TMEM169: variants seen among roughly 807,000 people sequenced by gnomAD.
TMEM169 encodes the protein transmembrane protein 169.
TMEM169 carries 18 observed loss-of-function variants against 27.3 expected under a neutral mutation model. That is an observed-to-expected ratio of 0.66 (90% CI 0.46 to 0.98). The LOEUF (loss-of-function observed/expected upper bound fraction) is 0.98, where lower values mean the gene tolerates loss of function less well. Ranked by LOEUF, TMEM169 falls within the 50% of genes least tolerant of loss-of-function variation. The pLI, the probability that TMEM169 is intolerant of heterozygous loss-of-function variation, is 0.00. For synonymous variants in TMEM169, 136 were observed against 142.1 expected (o/e 0.96, Z 0.30); for missense variants, 320 against 368.6 (o/e 0.87, Z 1.08).
At position 216,100,068 on chromosome 2, in the gene TMEM169, G is replaced by GT. The variant is rs1696353408; in HGVS notation, c.420_421insT (p.Glu141Ter). 6.2e-7 allele frequency: 1 copy of GT among 1,614,118 alleles called. No homozygotes were observed. Among genetic ancestry groups the GT allele is most frequent in the African/African-American group, 1.3e-5 (1 of 75,020 alleles). On this transcript the variant is annotated frameshift_variant, in exon 3 of 3. Transcript: ENST00000437356. LOFTEE classifies it high-confidence loss of function. ...TGACCAAACCTAAAGAGTCATCAAG[G>GT]GAAACGACGCCTGAAGGAAGAATGG...
intron 1 of TMEM169, among the ~76,000 whole-genome samples, chr2:216,091,492 G>A (rs572196522): frequency 1.3e-5 from 2 of 148,958 alleles, no homozygotes; most frequent in South Asian, 4.2e-4. Flanking sequence ...GGGAGGCAGA[G>A]GTTGCAGTGA....
intron 1 of TMEM169, among the ~76,000 whole-genome samples, chr2:216,087,055 C>T (rs1265415381): frequency 6.6e-6 from 1 of 152,094 alleles, no homozygotes; most frequent in African/African-American, 2.4e-5. Context: ...GGGGTAGTCA[C>T]AGAAGGGGAC....
At chr2:216,087,972 A>G (rs1391206925) in intron 1 of TMEM169, among the ~76,000 whole-genome samples, 1 of 151,838 alleles carries the variant, frequency 6.6e-6, no homozygotes, top group Non-Finnish European at 1.5e-5. Context: ...TAGCCTGGCC[A>G]ACATGGTGAA....
At chr2:216,094,684 G>T (rs1008318459) in intron 1 of TMEM169, among the ~76,000 whole-genome samples, 11 of 152,130 alleles carry the variant, frequency 7.2e-5, no homozygotes, top group Admixed American at 3.3e-4. Context: ...GAGTTCAGAG[G>T]AACACACTGT....
chr2:216,100,294 G>A lies in TMEM169; in HGVS notation c.646G>A (p.Val216Met), dbSNP rs747642228. Residue 216 changes from valine to methionine, a missense_variant, in exon 3 of 3, where the codon GTG (valine) becomes ATG (methionine). By Grantham distance (21) the Val-to-Met change is conservative. Coordinates refer to ENST00000437356, the MANE Select transcript of TMEM169 (RefSeq NM_001142311.2). ...YCPCLVLFYP[V>M]LIMAMASSLG... is the part of the protein sequence containing the mutation. ...CCCTTGCCTCGTTCTCTTCTATCCAGTGCTCATCATGGCCATGGCTTCTTC... is the reference window on the plus strand; with the variant it reads ...CCCTTGCCTCGTTCTCTTCTATCCAATGCTCATCATGGCCATGGCTTCTTC... 1.4e-5 allele frequency: 23 copies of A among 1,613,630 alleles called. No homozygotes were observed. The highest frequency in any genetic ancestry group is 1.9e-5 in the Non-Finnish European group (23 of 1,179,970).
chr2:216,098,714 TTGTG>T (rs34734178), intron 2 of TMEM169, among the ~76,000 whole-genome samples: 6,666 of 149,302 alleles, frequency 0.045, 472 homozygotes, highest in African/African-American at 0.15. Flanking sequence ...TGTGGGTGCG[TTGTG>T]TGTGTGTGTG....
At chr2:216,094,382 A>G (rs1696212280) in intron 1 of TMEM169, among the ~76,000 whole-genome samples, 1 of 152,224 alleles carries the variant, frequency 6.6e-6, no homozygotes, top group African/African-American at 2.4e-5. Context: ...CTCTTTCACT[A>G]GGATTAAAAC....
rs144505457 is a variant in TMEM169 at position 216,101,878 on chromosome 2, T to C, written c.*1336T>C. 4.6e-3 allele frequency: 699 copies of C among 152,304 alleles called. 6 individuals carry two copies. The highest frequency in any genetic ancestry group is 0.016 in the African/African-American group (658 of 41,572). The allele number at this position is 152,304 out of a possible 1,614,324, so 9.4% of individuals were successfully genotyped here. On this transcript the variant is annotated 3_prime_UTR_variant, in exon 3 of 3. Transcript: ENST00000437356. ...TTATTTATTTATTTATTCATTCATT[T>C]GTTTATTCATTTATTTATTTAGGCC...
In TMEM169 at chr2:216,099,652, G is replaced by A. The variant is rs1010848740; in HGVS notation, c.272-268G>A. Among the ~76,000 whole-genome samples, 4 of 152,094 alleles carry A rather than the reference G, an allele frequency of 2.6e-5. No homozygotes were observed. Among genetic ancestry groups the A allele is most frequent in the South Asian group, 2.1e-4 (1 of 4,822 alleles). On this transcript the variant is annotated intron_variant, in intron 2 of 2. Coordinates refer to ENST00000437356, the MANE Select transcript of TMEM169 (RefSeq NM_001142311.2). This position sits in a 1 kb window ranked among gnomAD's most constrained non-coding sequence, Gnocchi z 5.0. ...TGCCAAGATTGAGGCCCCAAAAAGC[G>A]GAGAGAGTAGGTGAAAAGCTTAACC...
rs554513991 is a variant in TMEM169 at position 216,084,749 on chromosome 2, G to A, written c.-127+2770G>A. Among the ~76,000 whole-genome samples, 9 of 152,272 alleles carry A rather than the reference G, an allele frequency of 5.9e-5. No individual in the cohort carries two copies. In the East Asian group the frequency reaches 1.7e-3, roughly 29 times the overall value. ...CAAAAACGGGCACAGGAAGAGGCGGGGTGGAGCAGCAGAGCAGCAAGATAG... is the reference window on the plus strand; with the variant it reads ...CAAAAACGGGCACAGGAAGAGGCGGAGTGGAGCAGCAGAGCAGCAAGATAG... On this transcript the variant is annotated intron_variant, in intron 1 of 2. Coordinates refer to ENST00000437356, the MANE Select transcript of TMEM169 (RefSeq NM_001142311.2).
At chr2:216,085,779 G>A (rs1261552052) in intron 1 of TMEM169, among the ~76,000 whole-genome samples, 1 of 151,894 alleles carries the variant, frequency 6.6e-6, no homozygotes. Context: ...GCTGAGGCAG[G>A]AGAATCGCTT....
intron 1 of TMEM169, among the ~76,000 whole-genome samples, chr2:216,090,490 T>C (rs1696097971): frequency 6.6e-6 from 1 of 152,226 alleles, no homozygotes; most frequent in African/African-American, 2.4e-5. Context: ...TTCAGATGAC[T>C]GCAGCCCTGA....
At position 216,099,111 on chromosome 2, in the gene TMEM169, G is replaced by A. The variant is rs1292557727; in HGVS notation, c.272-809G>A. On this transcript the variant is annotated intron_variant, in intron 2 of 2. Transcript: ENST00000437356. The surrounding 1 kb of genome is among the most constrained non-coding windows in gnomAD (Gnocchi z 5.0). Reference sequence around the variant, plus strand: ...TGTTATGTGTGTATGTTGCATGTATGTGTGATATGTATGGGTATGTGGTGT... The same window carrying A: ...TGTTATGTGTGTATGTTGCATGTATATGTGATATGTATGGGTATGTGGTGT... Among the ~76,000 whole-genome samples the A allele has an allele frequency of 6.6e-6, 1 of 151,482 alleles. No homozygotes were observed. Among genetic ancestry groups the A allele is most frequent in the Non-Finnish European group, 1.5e-5 (1 of 67,822 alleles).
chr2:216,096,205 A>G lies in TMEM169; in HGVS notation c.242A>G (p.Asp81Gly), dbSNP rs1696261989. The change falls in exon 2 of 3, where the codon GAT (aspartate) becomes GGT (glycine). Residue 81 changes from aspartate to glycine, a missense_variant. Coordinates refer to ENST00000437356, the MANE Select transcript of TMEM169 (RefSeq NM_001142311.2). ...GGDQPKEEEGDDFLDYPVDDD... is the reference protein window; with the variant it reads ...GGDQPKEEEGGDFLDYPVDDD... ...GATCAGCCTAAAGAGGAGGAGGGAG[A>G]TGATTTCCTAGACTATCCTGTGGAT... is the stretch of plus-strand genomic sequence containing the variant. The G allele has an allele frequency of 6.2e-7, 1 of 1,614,088 alleles. No individual in the cohort carries two copies. The highest frequency in any genetic ancestry group is 8.5e-7 in the Non-Finnish European group (1 of 1,180,000).
At chr2:216,091,079 C>A (rs781533197) in intron 1 of TMEM169, among the ~76,000 whole-genome samples, 1 of 152,232 alleles carries the variant, frequency 6.6e-6, no homozygotes, top group Non-Finnish European at 1.5e-5. Context: ...GAGCCACTCA[C>A]CTGATTGACT....
Position 216,100,386 on chromosome 2 carries a change from G to A in TMEM169, c.738G>A (p.Arg246=), listed in dbSNP as rs1279509258. ...WSWEAWWQAA[R]DMEKGFCGWL... ...GGGAAGCATGGTGGCAAGCTGCCCG[G>A]GACATGGAGAAAGGCTTCTGTGGCT... Residue 246 remains arginine (R), a synonymous_variant, in exon 3 of 3, where the codon CGG becomes CGA. Transcript: ENST00000437356. The A allele has an allele frequency of 1.2e-6, 2 of 1,613,970 alleles. No homozygotes were observed. Among genetic ancestry groups the A allele is most frequent in the Non-Finnish European group, 1.7e-6 (2 of 1,179,996 alleles).
intron 1 of TMEM169, among the ~76,000 whole-genome samples, chr2:216,095,109 C>CTTTTTTTTTTCTT (rs1553564688): frequency 9.1e-6 from 1 of 110,484 alleles, no homozygotes; most frequent in African/African-American, 4.1e-5. Flanking sequence ...TTTTTTCTTT[C>CTTTTTTTTTTCTT]TTTTTTTTTT....
At chr2:216,084,140 A>G (rs1481517458) in intron 1 of TMEM169, among the ~76,000 whole-genome samples, 2 of 151,878 alleles carry the variant, frequency 1.3e-5, no homozygotes, top group Non-Finnish European at 2.9e-5. Flanking sequence ...GTCATACCCC[A>G]TTAGCAATGA....
intron 1 of TMEM169, among the ~76,000 whole-genome samples, chr2:216,084,599 G>A (rs1261117952): frequency 6.6e-6 from 1 of 152,192 alleles, no homozygotes; most frequent in African/African-American, 2.4e-5. Flanking sequence ...ATGTTGGTAA[G>A]CCTTACACAG....
Sources: gnomAD v4.1 joint callset for allele counts (sites outside exome capture counted in the v4.1 genomes callset) on GRCh38, gnomAD v4.1.1 for gene constraint, Gnocchi (gnomAD v3.1) non-coding constraint, MANE v1.5 for transcripts, NCBI Gene and HGNC (gene_info 2026-07-23, HGNC 2026-07-21) for gene names.